The following GNG12 variants were observed in gnomAD, a reference collection of about 807,000 sequenced individuals.
GNG12 encodes guanine nucleotide-binding protein G(I)/G(S)/G(O) subunit gamma-12.
For missense variants in GNG12, 69 were observed against 83.8 expected (o/e 0.82, Z 0.69); for synonymous variants, 28 against 29.7 (o/e 0.94, Z 0.19).
intron 2 of GNG12, among the ~76,000 whole-genome samples, chr1:67,770,375 C>G (rs550453751): frequency 3.9e-5 from 6 of 152,202 alleles, no homozygotes; most frequent in African/African-American, 1.2e-4. Context: ...CCCTCAGGAA[C>G]CAAAATGTGA....
intron 2 of GNG12, among the ~76,000 whole-genome samples, chr1:67,737,966 T>G (rs1444674545): frequency 6.6e-6 from 1 of 152,178 alleles, no homozygotes; most frequent in African/African-American, 2.4e-5. Flanking sequence ...TTTTCCTTTT[T>G]TTTTCTGTCA....
intron 2 of GNG12, among the ~76,000 whole-genome samples, chr1:67,751,876 C>T (rs1646540774): frequency 6.6e-6 from 1 of 152,194 alleles, no homozygotes; most frequent in Non-Finnish European, 1.5e-5. Context: ...AGCCTCTCCC[C>T]ATTTTCTGGA....
chr1:67,743,319 T>C (rs1463392679), intron 2 of GNG12, among the ~76,000 whole-genome samples: 3 of 152,210 alleles, frequency 2.0e-5, no homozygotes, highest in Non-Finnish European at 1.5e-5. Flanking sequence ...AGGTTCTTCA[T>C]GCTACTGTCA....
At chr1:67,744,145 A>G (rs1249092834) in intron 2 of GNG12, among the ~76,000 whole-genome samples, 5 of 152,220 alleles carry the variant, frequency 3.3e-5, no homozygotes, top group Non-Finnish European at 7.3e-5. Context: ...TAATCTTCAC[A>G]CTAACCCTAT....
intron 1 of GNG12, among the ~76,000 whole-genome samples, chr1:67,827,894 T>C (rs758329098): frequency 2.0e-5 from 3 of 152,182 alleles, no homozygotes; most frequent in Admixed American, 6.5e-5. Flanking sequence ...ACATCAGATA[T>C]GATTTTCAAG....
At chr1:67,813,647 G>A (rs1313207240) in intron 1 of GNG12, among the ~76,000 whole-genome samples, 1 of 151,796 alleles carries the variant, frequency 6.6e-6, no homozygotes, top group African/African-American at 2.4e-5. Flanking sequence ...CACTGATCCC[G>A]CTATACCATA....
At chr1:67,785,446 C>T (rs1452693517) in intron 1 of GNG12, among the ~76,000 whole-genome samples, 1 of 152,112 alleles carries the variant, frequency 6.6e-6, no homozygotes, top group African/African-American at 2.4e-5. Flanking sequence ...ATTTCTACAA[C>T]CTTTTCTACC....
intron 2 of GNG12, among the ~76,000 whole-genome samples, chr1:67,766,148 A>ACCC (rs1553157564): frequency 7.5e-6 from 1 of 133,708 alleles, no homozygotes; most frequent in Non-Finnish European, 1.6e-5. Flanking sequence ...ACACACACAC[A>ACCC]CCCCTAAACA....
intron 1 of GNG12, among the ~76,000 whole-genome samples, chr1:67,786,027 A>G (rs1318871325): frequency 6.6e-6 from 1 of 152,202 alleles, no homozygotes; most frequent in East Asian, 1.9e-4. Context: ...TCCTAATACT[A>G]GGAAAATTCA....
At chr1:67,786,752 T>C (rs1358607793) in intron 1 of GNG12, among the ~76,000 whole-genome samples, 1 of 151,782 alleles carries the variant, frequency 6.6e-6, no homozygotes, top group Non-Finnish European at 1.5e-5. Flanking sequence ...TGAAACCCCA[T>C]CTCTACTAAA....
intron 2 of GNG12, among the ~76,000 whole-genome samples, chr1:67,750,373 C>T (rs887771736): frequency 3.3e-5 from 5 of 152,202 alleles, no homozygotes; most frequent in African/African-American, 9.6e-5. Flanking sequence ...CTGCTGCCTG[C>T]AGGCCTCTTG....
chr1:67,790,081 TA>T (rs1298773397), intron 1 of GNG12, among the ~76,000 whole-genome samples: 2 of 151,806 alleles, frequency 1.3e-5, no homozygotes, highest in Admixed American at 1.3e-4. Flanking sequence ...AACAGCTTAT[TA>T]AAAAACAAAA....
chr1:67,756,419 G>C (rs564238137), intron 2 of GNG12, among the ~76,000 whole-genome samples: 18 of 152,338 alleles, frequency 1.2e-4, no homozygotes, highest in African/African-American at 4.3e-4. Flanking sequence ...AATACCACAG[G>C]TTTCTCAGGC....
chr1:67,724,923 ATT>A (rs1361552775), intron 2 of GNG12, among the ~76,000 whole-genome samples: 2 of 152,260 alleles, frequency 1.3e-5, no homozygotes, highest in African/African-American at 4.8e-5. Context: ...GTCATAACAT[ATT>A]ATATGATAAT....
At position 67,833,405 on chromosome 1, in the gene GNG12, G is replaced by C. The variant is rs1647064927; in HGVS notation, c.-138C>G. The C allele has an allele frequency of 2.0e-6, 2 of 985,332 alleles. No individual in the cohort carries two copies. Among genetic ancestry groups the C allele is most frequent in the African/African-American group, 3.5e-5 (2 of 57,166 alleles). 61.0% of individuals were successfully genotyped at this position (985,332 alleles called of 1,614,324 possible). Reference sequence around the variant, plus strand: ...GACTCGGTCTCTAAGGGCTCCTGGAGACGGCTCCGACCTCTCCTCCTCCTC... The same window carrying C: ...GACTCGGTCTCTAAGGGCTCCTGGACACGGCTCCGACCTCTCCTCCTCCTC... On this transcript the variant is annotated 5_prime_UTR_variant, in exon 1 of 4. Transcript: ENST00000370982.
chr1:67,792,761 A>G (rs1646808839), intron 1 of GNG12, among the ~76,000 whole-genome samples: 1 of 152,154 alleles, frequency 6.6e-6, no homozygotes, highest in Non-Finnish European at 1.5e-5. Context: ...GTTTGGGCCT[A>G]GCAGCCACAG....
rs1646258000 is a variant in GNG12 at position 67,707,716 on chromosome 1, A to C, written c.-26-4T>G. On this transcript the variant is annotated splice_polypyrimidine_tract_variant and splice_region_variant and intron_variant, in intron 2 of 3. Transcript: ENST00000370982. ...AATTATTGTTTTTACCTGAAATCTG[A>C]GGAGAATTTTTTTTAAAGACAAGTA... The C allele has an allele frequency of 6.7e-7, 1 of 1,502,920 alleles. No homozygotes were observed. Among genetic ancestry groups the C allele is most frequent in the Admixed American group, 2.1e-5 (1 of 47,096 alleles). 93.1% of individuals were successfully genotyped at this position (1,502,920 alleles called of 1,614,324 possible). A position where few individuals can be genotyped will look rare whatever the true frequency, so the allele number is the denominator to read the frequency against.
At chr1:67,766,098 G>GCGCA (rs1307715972) in intron 2 of GNG12, among the ~76,000 whole-genome samples, 12 of 100,814 alleles carry the variant, frequency 1.2e-4, no homozygotes, top group African/African-American at 5.4e-4. Context: ...ACAAAACAAG[G>GCGCA]CACACACGCA....
At chr1:67,814,156 G>T (rs1646941006) in intron 1 of GNG12, among the ~76,000 whole-genome samples, 1 of 151,920 alleles carries the variant, frequency 6.6e-6, no homozygotes, top group Non-Finnish European at 1.5e-5. Context: ...AACATCATTA[G>T]AAAACATTAC....
Sources: allele counts gnomAD v4.1 joint callset (sites outside exome capture counted in the v4.1 genomes callset), GRCh38; gene constraint gnomAD v4.1.1; transcripts MANE v1.5; gene names NCBI Gene and HGNC (gene_info 2026-07-23, HGNC 2026-07-21).